The following STK32B variants were observed in gnomAD, a reference collection of about 807,000 sequenced individuals.
STK32B encodes serine/threonine-protein kinase 32B.
Under a neutral mutation model 52.6 loss-of-function variants are expected in STK32B, and 43 were observed. That is an observed-to-expected ratio of 0.82 (90% CI 0.64 to 1.05). The LOEUF is 1.05. Ranked by LOEUF, STK32B falls within the 50% of genes least tolerant of loss-of-function variation. STK32B has a pLI of 0.00. For synonymous variants in STK32B, 238 were observed against 204.3 expected, an observed-to-expected ratio of 1.17 and a Z score of -1.41; for missense variants, 621 against 534.6, an observed-to-expected ratio of 1.16 and a Z score of -1.59.
chr4:5,369,798 T>C (rs528623844), intron 4 of STK32B, among the ~76,000 whole-genome samples: 24 of 152,324 alleles, frequency 1.6e-4, no homozygotes, highest in African/African-American at 5.5e-4. Flanking sequence ...TCAATCATGA[T>C]CCTATTAGGT....
rs375089864 is a variant in STK32B, at chr4:5,275,746, C to G, written c.261-55474C>G. Among the ~76,000 whole-genome samples the G allele has an allele frequency of 6.3e-4, 96 of 152,110 alleles. 3 individuals carry two copies. In the South Asian group the frequency reaches 0.016, roughly 25 times the overall value. On this transcript the variant is annotated intron_variant, in intron 3 of 11. Transcript: ENST00000282908. ...GAGTTAAAGACGTTCTGGAAGTGTC[C>G]TCTGTGAGCAGAACCACCCTGAGAG...
chr4:5,272,357 A>T (rs1044507087), intron 3 of STK32B, among the ~76,000 whole-genome samples: 37 of 147,164 alleles, frequency 2.5e-4, no homozygotes, highest in African/African-American at 9.3e-4. Context: ...GATGAAGCCC[A>T]CTTGATCATG....
rs578249161 is a variant in STK32B at position 5,340,569 on chromosome 4, G to A, written c.434+9176G>A. On this transcript the variant is annotated intron_variant, in intron 4 of 11. Transcript: ENST00000282908. ...GAGTGACATGGTCTAACTTGTCATT[G>A]AGAATGATCTTTCTGAAGGTCCTAG... Among the ~76,000 whole-genome samples, 9 of 152,272 alleles carry A rather than the reference G, an allele frequency of 5.9e-5. No homozygotes were observed. The South Asian group carries it at 1.9e-3, about 32-fold the overall frequency.
intron 4 of STK32B, among the ~76,000 whole-genome samples, chr4:5,358,166 G>A (rs1324395068): frequency 6.6e-6 from 1 of 152,162 alleles, no homozygotes; most frequent in Non-Finnish European, 1.5e-5. Context: ...CATCTCCTAG[G>A]TATAAATTGC....
At chr4:5,491,432 T>G (rs1265469577) in intron 11 of STK32B, among the ~76,000 whole-genome samples, 1 of 152,200 alleles carries the variant, frequency 6.6e-6, no homozygotes, top group African/African-American at 2.4e-5. Context: ...GTTGTCTGAT[T>G]TTTTCTTGTA....
chr4:5,437,963 T>G (rs2369706), intron 6 of STK32B: 4 of 985,370 alleles, frequency 4.1e-6, no homozygotes, highest in Non-Finnish European at 4.8e-6. Context: ...GAATGTCACC[T>G]TCTCTAGGAC....
chr4:5,223,136 C>T (rs1303495364), intron 3 of STK32B, among the ~76,000 whole-genome samples: 2 of 152,216 alleles, frequency 1.3e-5, no homozygotes, highest in Non-Finnish European at 2.9e-5. Flanking sequence ...GCTTGGACTG[C>T]TTCCCAGGAG....
chr4:5,411,155 C>A (rs1194079961), intron 5 of STK32B, among the ~76,000 whole-genome samples: 1 of 152,094 alleles, frequency 6.6e-6, no homozygotes, highest in East Asian at 1.9e-4. Flanking sequence ...TCTGCCCCAG[C>A]TTCCCAAGTA....
At chr4:5,110,333 A>G (rs1560156180) in intron 1 of STK32B, among the ~76,000 whole-genome samples, 1 of 151,726 alleles carries the variant, frequency 6.6e-6, no homozygotes, top group Admixed American at 6.6e-5. Flanking sequence ...GAACAAATCT[A>G]GAGACATCAC....
intron 3 of STK32B, among the ~76,000 whole-genome samples, chr4:5,225,712 C>T (rs1166315484): frequency 6.6e-6 from 1 of 152,164 alleles, no homozygotes; most frequent in South Asian, 2.1e-4. Context: ...ACAAGAGAAG[C>T]TTTATATCCT....
At chr4:5,039,281 G>A in the STK32B span, among the ~76,000 whole-genome samples, 244 of 152,246 alleles carry the variant, frequency 1.6e-3, 1 homozygote, top group African/African-American at 5.7e-3. Context: ...TTACAGGCAC[G>A]AGGCACCACA....
intron 11 of STK32B, among the ~76,000 whole-genome samples, chr4:5,482,325 G>A (rs1718784157): frequency 6.6e-6 from 1 of 152,094 alleles, no homozygotes; most frequent in South Asian, 2.1e-4. Context: ...GGATTTCTAG[G>A]TATTTTATTC....
At chr4:5,316,175 ATAAC>A (rs1195883511) in intron 3 of STK32B, among the ~76,000 whole-genome samples, 14 of 95,596 alleles carry the variant, frequency 1.5e-4, no homozygotes, top group Non-Finnish European at 2.5e-4. Flanking sequence ...AAATATATAT[ATAAC>A]TAAATATATA....
Position 5,267,704 on chromosome 4 carries a change from T to G in STK32B, c.261-63516T>G, listed in dbSNP as rs554745975. Among the ~76,000 whole-genome samples, 3 of 152,076 alleles carry G rather than the reference T, an allele frequency of 2.0e-5. No homozygotes were observed. The South Asian group carries it at 6.2e-4, about 32-fold the overall frequency. On this transcript the variant is annotated intron_variant, in intron 3 of 11. Coordinates refer to ENST00000282908, the MANE Select transcript of STK32B (RefSeq NM_018401.3). ...CTCATCCAGTCTCACAGCCAAAGAG[T>G]AGAGAGAGAACAAATTACCCGAGAG... is the stretch of plus-strand genomic sequence containing the variant.
chr4:5,233,034 T>C (rs1249861734), intron 3 of STK32B, among the ~76,000 whole-genome samples: 1 of 152,202 alleles, frequency 6.6e-6, no homozygotes, highest in East Asian at 1.9e-4. Context: ...GTGGTTTCCC[T>C]AACTCTGCCC....
At chr4:5,316,830 AT>A (rs1442163496) in intron 3 of STK32B, among the ~76,000 whole-genome samples, 3 of 2,978 alleles carry the variant, frequency 1.0e-3, no homozygotes, top group Non-Finnish European at 1.7e-3. Context: ...TATCATATAT[AT>A]TATATATTAT....
At position 5,398,198 on chromosome 4, in the gene STK32B, C is replaced by G; in HGVS notation, c.435-9C>G. Reference sequence around the variant, plus strand: ...ACCACATTGCCAGCTTCTTTGTTTTCTTTTACAGAGACATCAAGCCAGACA... The same window carrying G: ...ACCACATTGCCAGCTTCTTTGTTTTGTTTTACAGAGACATCAAGCCAGACA... On this transcript the variant is annotated splice_polypyrimidine_tract_variant and intron_variant, in intron 4 of 11. Transcript: ENST00000282908. The surrounding 1 kb of genome is among the most constrained non-coding windows in gnomAD (Gnocchi z 4.9). The G allele has an allele frequency of 6.2e-7, 1 of 1,613,882 alleles. No homozygotes were observed. The highest frequency in any genetic ancestry group is 8.5e-7 in the Non-Finnish European group (1 of 1,179,924).
At chr4:5,024,987 C>T in the STK32B span, among the ~76,000 whole-genome samples, 3 of 152,164 alleles carry the variant, frequency 2.0e-5, no homozygotes, top group African/African-American at 7.2e-5. Flanking sequence ...GTAAAATGCT[C>T]AGGCCCCCAG....
chr4:5,105,714 C>A (rs879575885), intron 1 of STK32B, among the ~76,000 whole-genome samples: 2 of 151,910 alleles, frequency 1.3e-5, no homozygotes, highest in Non-Finnish European at 2.9e-5. Context: ...CAGGCGCCCG[C>A]CACCACGCCT....
Sources: gnomAD v4.1 joint callset for allele counts (sites outside exome capture counted in the v4.1 genomes callset) on GRCh38, gnomAD v4.1.1 for gene constraint, Gnocchi (gnomAD v3.1) non-coding constraint, MANE v1.5 for transcripts, NCBI Gene and HGNC (gene_info 2026-07-23, HGNC 2026-07-21) for gene names.